Variants in RPS6KC1 observed in about 807,000 individuals in gnomAD.
RPS6KC1 encodes ribosomal protein S6 kinase C1.
RPS6KC1 carries 54 observed loss-of-function variants against 103.8 expected under a neutral mutation model. The ratio of observed to expected loss-of-function variants is 0.52; its 90% CI spans 0.42 to 0.65. The LOEUF is 0.65. Ranked by LOEUF, RPS6KC1 falls within the 30% of genes least tolerant of loss-of-function variation. RPS6KC1 has a pLI of 0.00. For missense variants in RPS6KC1, 1,151 were observed against 1,253.8 expected, an observed-to-expected ratio of 0.92 and a Z score of 1.24; for synonymous variants, 439 against 438.7, an observed-to-expected ratio of 1.00 and a Z score of -0.01.
In RPS6KC1 at chr1:213,077,716, C is replaced by A; in HGVS notation, c.162C>A (p.Tyr54Ter). Residue 54 changes from tyrosine to a stop codon, truncating the protein, a stop_gained, in exon 3 of 15, where the codon TAC (tyrosine) becomes TAA (stop). Transcript: ENST00000366960. LOFTEE classifies it high-confidence loss of function. ...DVQEIIVWKR[Y>*]SDFKKLHKEL... ...TCTAGATAATTGTATGGAAGAGATA[C>A]AGTGATTTTAAGAAACTACACAAAG... is the stretch of plus-strand genomic sequence containing the variant. 1 of 1,479,142 alleles carries A rather than the reference C, an allele frequency of 6.8e-7. No individual in the cohort carries two copies. Among genetic ancestry groups the A allele is most frequent in the Non-Finnish European group, 9.2e-7 (1 of 1,081,636 alleles). 91.6% of individuals were successfully genotyped at this position (1,479,142 alleles called of 1,614,324 possible). A position where few individuals can be genotyped will look rare whatever the true frequency, so the allele number is the denominator to read the frequency against.
the RPS6KC1 span, among the ~76,000 whole-genome samples, chr1:213,434,080 G>A: frequency 7.6e-6 from 1 of 132,378 alleles, no homozygotes; most frequent in Non-Finnish European, 1.6e-5. Flanking sequence ...ATTAGTGTTT[G>A]TTTTTTCATT....
intron 12 of RPS6KC1, among the ~76,000 whole-genome samples, chr1:213,245,275 A>G (rs965413444): frequency 2.0e-5 from 3 of 152,206 alleles, no homozygotes; most frequent in African/African-American, 7.2e-5. Flanking sequence ...ATACTTAAAA[A>G]TACAAATCAG....
intron 6 of RPS6KC1, among the ~76,000 whole-genome samples, chr1:213,152,966 A>G (rs942795420): frequency 1.3e-5 from 2 of 152,226 alleles, no homozygotes; most frequent in Non-Finnish European, 2.9e-5. Context: ...CACTGAGTGA[A>G]CGAGACTCCA....
At chr1:213,402,659 G>C in the RPS6KC1 span, among the ~76,000 whole-genome samples, 1 of 152,040 alleles carries the variant, frequency 6.6e-6, no homozygotes, top group Non-Finnish European at 1.5e-5. Flanking sequence ...CTCTTGCTCT[G>C]GTGTATGGCA....
the RPS6KC1 span, among the ~76,000 whole-genome samples, chr1:213,525,819 T>C: frequency 1.3e-5 from 2 of 152,036 alleles, no homozygotes; most frequent in African/African-American, 4.8e-5. Context: ...CATGGGGGCA[T>C]TGGTTTCTTT....
At chr1:213,162,952 A>T (rs1047046228) in intron 6 of RPS6KC1, among the ~76,000 whole-genome samples, 17 of 152,372 alleles carry the variant, frequency 1.1e-4, no homozygotes, top group African/African-American at 3.6e-4. Context: ...TGACTGGTTC[A>T]TGTTATACAT....
intron 1 of RPS6KC1, 113 bp downstream of exon 1, chr1:213,051,622 G>C: frequency 1.4e-6 from 1 of 731,758 alleles, no homozygotes; most frequent in Non-Finnish European, 2.3e-6. Flanking sequence ...GTGGGACTGG[G>C]TGCTGCTCCT....
the RPS6KC1 span, among the ~76,000 whole-genome samples, chr1:213,395,322 G>A: frequency 6.6e-6 from 1 of 152,188 alleles, no homozygotes; most frequent in Non-Finnish European, 1.5e-5. Flanking sequence ...CTGGCGCACG[G>A]TAGGATCTCA....
At chr1:213,399,089 G>A in the RPS6KC1 span, among the ~76,000 whole-genome samples, 2 of 152,172 alleles carry the variant, frequency 1.3e-5, no homozygotes. Context: ...CAAAATTATA[G>A]AGGCATTATC....
chr1:213,543,433 T>G, the RPS6KC1 span, among the ~76,000 whole-genome samples: 3 of 152,148 alleles, frequency 2.0e-5, no homozygotes, highest in Non-Finnish European at 4.4e-5. Flanking sequence ...TGGGGCTATG[T>G]GGGAGGGAGA....
chr1:213,250,587 G>A (rs896320453), intron 12 of RPS6KC1, among the ~76,000 whole-genome samples: 6 of 152,200 alleles, frequency 3.9e-5, no homozygotes, highest in African/African-American at 1.4e-4. Context: ...CCTCAGAAAT[G>A]TGAGACTATA....
At chr1:213,605,902 C>T in the RPS6KC1 span, among the ~76,000 whole-genome samples, 6 of 151,996 alleles carry the variant, frequency 3.9e-5, no homozygotes, top group South Asian at 6.2e-4. Context: ...AGAAGGATGC[C>T]GCCGATTACA....
chr1:213,183,406 A>G (rs1173173822), intron 8 of RPS6KC1, among the ~76,000 whole-genome samples: 3 of 152,164 alleles, frequency 2.0e-5, no homozygotes, highest in Non-Finnish European at 4.4e-5. Flanking sequence ...TAGGGCCGAA[A>G]AACCTCAACA....
At chr1:213,600,495 T>G in the RPS6KC1 span, among the ~76,000 whole-genome samples, 1 of 152,212 alleles carries the variant, frequency 6.6e-6, no homozygotes, top group South Asian at 2.1e-4. Flanking sequence ...GAATCAGAGA[T>G]AGATGCACTT....
At chr1:213,731,538 G>T in the RPS6KC1 span, 1 of 152,144 alleles carries the variant, frequency 6.6e-6, no homozygotes, top group Non-Finnish European at 1.5e-5. Flanking sequence ...TGTGGAAGAT[G>T]AACCCCTTCT....
intron 3 of RPS6KC1, among the ~76,000 whole-genome samples, chr1:213,078,110 A>T (rs566182619): frequency 1.3e-3 from 204 of 152,102 alleles, no homozygotes; most frequent in African/African-American, 4.8e-3. Flanking sequence ...TAGTTTTAAA[A>T]TTCTTTCTTT....
intron 12 of RPS6KC1, among the ~76,000 whole-genome samples, chr1:213,244,311 A>G (rs2094417719): frequency 6.6e-6 from 1 of 152,084 alleles, no homozygotes; most frequent in African/African-American, 2.4e-5. Context: ...AAGTTTTAGA[A>G]TCAAACTTAA....
At chr1:213,666,672 T>A in the RPS6KC1 span, among the ~76,000 whole-genome samples, 2 of 152,250 alleles carry the variant, frequency 1.3e-5, no homozygotes, top group Non-Finnish European at 2.9e-5. Context: ...CCAATTTCCA[T>A]GATCACCAAA....
Sources: allele counts gnomAD v4.1 joint callset (sites outside exome capture counted in the v4.1 genomes callset), GRCh38; gene constraint gnomAD v4.1.1; transcripts MANE v1.5; gene names NCBI Gene and HGNC (gene_info 2026-07-23, HGNC 2026-07-21).